Variants in SLC35F3 observed in about 807,000 individuals in gnomAD.
The protein encoded by SLC35F3 is putative thiamine transporter SLC35F3.
SLC35F3 carries 25 observed loss-of-function variants against 49.9 expected under a neutral mutation model. That is an observed-to-expected ratio of 0.50 (90% CI 0.37 to 0.70). SLC35F3 has a LOEUF of 0.70. Among genes scored for constraint, SLC35F3 ranks in the 30% least tolerant of loss-of-function variants. SLC35F3 has a pLI of 0.00. For missense variants in SLC35F3, 525 were observed against 639.8 expected, an observed-to-expected ratio of 0.82 and a Z score of 1.94; for synonymous variants, 275 against 265.4, an observed-to-expected ratio of 1.04 and a Z score of -0.35.
chr1:234,086,139 C>T (rs569414521), intron 2 of SLC35F3, among the ~76,000 whole-genome samples: 3 of 152,224 alleles, frequency 2.0e-5, no homozygotes, highest in African/African-American at 7.2e-5. Flanking sequence ...CATTAGTTCC[C>T]CATTTGAAGT....
chr1:233,998,936 C>T (rs1663505634), intron 2 of SLC35F3, among the ~76,000 whole-genome samples: 1 of 152,202 alleles, frequency 6.6e-6, no homozygotes, highest in Non-Finnish European at 1.5e-5. Flanking sequence ...TCTTCACCTA[C>T]AGAGTACAGC....
chr1:234,201,492 A>G (rs1362600625), intron 2 of SLC35F3, among the ~76,000 whole-genome samples: 1 of 152,220 alleles, frequency 6.6e-6, no homozygotes, highest in East Asian at 1.9e-4. Flanking sequence ...ACTGCCAGAG[A>G]CAGATTTTCA....
intron 2 of SLC35F3, among the ~76,000 whole-genome samples, chr1:233,972,735 A>C (rs767520454): frequency 1.3e-5 from 2 of 152,236 alleles, no homozygotes; most frequent in Non-Finnish European, 2.9e-5. Context: ...TCTCTGTTCA[A>C]ACATTACTTG....
chr1:233,924,386 T>C (rs1467516002), intron 2 of SLC35F3, among the ~76,000 whole-genome samples: 2 of 152,248 alleles, frequency 1.3e-5, no homozygotes, highest in Non-Finnish European at 2.9e-5. Context: ...GGTGTATGTG[T>C]CCAGGAATTT....
At chr1:233,962,907 G>A (rs528074681) in intron 2 of SLC35F3, among the ~76,000 whole-genome samples, 30 of 152,322 alleles carry the variant, frequency 2.0e-4, no homozygotes, top group African/African-American at 7.0e-4. Context: ...TCTTTGCACG[G>A]ACCTTGTAAT....
rs199851669 is a variant in SLC35F3, at chr1:233,915,545, G to GTT, written c.283+9795_283+9796dup. 2.0e-5 allele frequency among the ~76,000 whole-genome samples: 3 copies of GTT among 151,248 alleles called. No homozygotes were observed. The South Asian group carries it at 6.3e-4, about 32-fold the overall frequency. ...AGCCTGGGTGATAGAGCAAATTCTT[G>GTT]TTTTTTTTTAAAAAAGTCCCTTGTT... is the stretch of plus-strand genomic sequence containing the variant. On this transcript the variant is annotated intron_variant, in intron 2 of 7. Transcript: ENST00000366618.
chr1:233,962,189 A>G (rs974673955), intron 2 of SLC35F3, among the ~76,000 whole-genome samples: 1 of 152,262 alleles, frequency 6.6e-6, no homozygotes, highest in East Asian at 1.9e-4. Context: ...ATATTTTTCT[A>G]TTAAAGACCT....
intron 3 of SLC35F3, among the ~76,000 whole-genome samples, chr1:234,281,087 C>G (rs74231608): frequency 8.1e-4 from 122 of 151,546 alleles, no homozygotes; most frequent in East Asian, 2.1e-3. Context: ...TGTGTCCCCC[C>G]CCCATGCTCA....
chr1:234,065,119 G>A lies in SLC35F3; in HGVS notation c.283+159361G>A, dbSNP rs978961744. ...GGTTCTAAGTGTGGAAAGGGAGACTGTGAAAAGTGATGTGAGATCTACTGA... is the reference window on the plus strand; with the variant it reads ...GGTTCTAAGTGTGGAAAGGGAGACTATGAAAAGTGATGTGAGATCTACTGA... On this transcript the variant is annotated intron_variant, in intron 2 of 7. Coordinates refer to ENST00000366618, the MANE Select transcript of SLC35F3 (RefSeq NM_173508.4). 2.0e-5 allele frequency among the ~76,000 whole-genome samples: 3 copies of A among 152,112 alleles called. No homozygotes were observed. The East Asian group carries it at 5.8e-4, about 29-fold the overall frequency.
chr1:233,934,536 A>G (rs1423500953), intron 2 of SLC35F3, among the ~76,000 whole-genome samples: 1 of 152,226 alleles, frequency 6.6e-6, no homozygotes. Context: ...CAATTATTAC[A>G]GAGATATTTT....
intron 2 of SLC35F3, among the ~76,000 whole-genome samples, chr1:233,939,547 G>A (rs1488337769): frequency 3.3e-5 from 5 of 152,070 alleles, no homozygotes; most frequent in African/African-American, 1.2e-4. Flanking sequence ...GATTATGAAC[G>A]GGTGTGTTCC....
At chr1:234,205,583 C>G (rs902060357) in intron 2 of SLC35F3, among the ~76,000 whole-genome samples, 2 of 152,170 alleles carry the variant, frequency 1.3e-5, no homozygotes, top group African/African-American at 4.8e-5. Context: ...TTCTCTGAAG[C>G]CAGTCTGAGG....
At chr1:234,005,882 G>A (rs1458664153) in intron 2 of SLC35F3, among the ~76,000 whole-genome samples, 1 of 152,102 alleles carries the variant, frequency 6.6e-6, no homozygotes, top group Non-Finnish European at 1.5e-5. Context: ...ACAGAAGACT[G>A]GATCACGCAT....
intron 3 of SLC35F3, among the ~76,000 whole-genome samples, chr1:234,233,175 G>C (rs1490376584): frequency 2.0e-5 from 3 of 152,180 alleles, no homozygotes; most frequent in African/African-American, 7.2e-5. Flanking sequence ...ACCCAAGATT[G>C]TCCCAAAGGC....
At chr1:234,085,859 T>A (rs774721701) in intron 2 of SLC35F3, among the ~76,000 whole-genome samples, 63 of 152,214 alleles carry the variant, frequency 4.1e-4, no homozygotes, top group Non-Finnish European at 7.6e-4. Context: ...AGTTGCTCTC[T>A]AATTCTAAGC....
chr1:234,085,272 T>C (rs1664943369), intron 2 of SLC35F3, among the ~76,000 whole-genome samples: 1 of 152,204 alleles, frequency 6.6e-6, no homozygotes, highest in South Asian at 2.1e-4. Flanking sequence ...AATGCTTCAG[T>C]GTCCATGAGA....
chr1:233,991,815 A>C (rs1184725201), intron 2 of SLC35F3, among the ~76,000 whole-genome samples: 1 of 152,158 alleles, frequency 6.6e-6, no homozygotes, highest in African/African-American at 2.4e-5. Flanking sequence ...CATCAGCATC[A>C]TCATTATTTT....
At chr1:234,017,715 G>GAAA (rs35271984) in intron 2 of SLC35F3, among the ~76,000 whole-genome samples, 13 of 91,734 alleles carry the variant, frequency 1.4e-4, no homozygotes, top group African/African-American at 2.0e-4. Flanking sequence ...CTTTGTCTCA[G>GAAA]AAAAAAAAAA....
intron 2 of SLC35F3, among the ~76,000 whole-genome samples, chr1:234,002,712 T>C (rs1663572135): frequency 6.6e-6 from 1 of 152,190 alleles, no homozygotes. Context: ...GGAAGGAAGT[T>C]GCTATGCATA....
Sources: gnomAD v4.1 joint callset for allele counts (sites outside exome capture counted in the v4.1 genomes callset) on GRCh38, gnomAD v4.1.1 for gene constraint, MANE v1.5 for transcripts, NCBI Gene and HGNC (gene_info 2026-07-23, HGNC 2026-07-21) for gene names.